Variants in SLC8A1 observed in about 807,000 individuals in gnomAD.
The protein encoded by SLC8A1 is sodium/calcium exchanger 1.
Under a neutral mutation model 68.3 loss-of-function variants are expected in SLC8A1, and 18 were observed. The observed-to-expected ratio is 0.26, with a 90% confidence interval of 0.18 to 0.39. The LOEUF is 0.39. Among genes scored for constraint, SLC8A1 ranks in the 10% least tolerant of loss-of-function variants. The pLI, the probability that SLC8A1 is intolerant of heterozygous loss-of-function variation, is 1.00. For missense variants in SLC8A1, 985 were observed against 1,156.7 expected (o/e 0.85, Z 2.15); for synonymous variants, 475 against 415.5 (o/e 1.14, Z -1.74).
chr2:40,216,096 T>C (rs11682470), intron 2 of SLC8A1, among the ~76,000 whole-genome samples: 1 of 151,220 alleles, frequency 6.6e-6, no homozygotes, highest in Non-Finnish European at 1.5e-5. Flanking sequence ...TACATAGGTA[T>C]ACGTGTGCCA....
chr2:40,454,920 G>A (rs555694487), upstream of SLC8A1, among the ~76,000 whole-genome samples: 7 of 152,340 alleles, frequency 4.6e-5, no homozygotes, highest in Admixed American at 4.6e-4. Flanking sequence ...TTGGAAAGAA[G>A]ACATGTTGAA....
intron 2 of SLC8A1, among the ~76,000 whole-genome samples, chr2:40,379,101 A>T (rs1016230362): frequency 2.6e-5 from 4 of 152,160 alleles, no homozygotes; most frequent in Non-Finnish European, 4.4e-5. Context: ...TGCCATTTTA[A>T]TAATTTTTTA....
At chr2:40,306,345 A>G (rs1179079198) in intron 2 of SLC8A1, among the ~76,000 whole-genome samples, 1 of 152,140 alleles carries the variant, frequency 6.6e-6, no homozygotes, top group East Asian at 1.9e-4. Flanking sequence ...TTATCTTAAT[A>G]TAGAGGCAGG....
At chr2:40,442,257 A>G (rs1413450413) in intron 1 of SLC8A1, among the ~76,000 whole-genome samples, 2 of 150,756 alleles carry the variant, frequency 1.3e-5, no homozygotes, top group Non-Finnish European at 3.0e-5. Flanking sequence ...ACTAAAAGTG[A>G]TAATTCAAAA....
intron 6 of SLC8A1, among the ~76,000 whole-genome samples, chr2:40,152,577 T>A (rs997017758): frequency 5.9e-5 from 9 of 151,814 alleles, no homozygotes; most frequent in Non-Finnish European, 1.2e-4. Context: ...GCTAATTTTT[T>A]TTTTTTTTTT....
chr2:40,413,476 C>A (rs1401079355), intron 2 of SLC8A1, among the ~76,000 whole-genome samples: 4 of 152,110 alleles, frequency 2.6e-5, no homozygotes, highest in Non-Finnish European at 5.9e-5. Flanking sequence ...AGCTGGAAAC[C>A]ATTGCTGATT....
At chr2:40,333,279 A>T (rs1184698394) in intron 2 of SLC8A1, among the ~76,000 whole-genome samples, 1 of 152,080 alleles carries the variant, frequency 6.6e-6, no homozygotes, top group Non-Finnish European at 1.5e-5. Context: ...TCTACTAAAA[A>T]TACGAAAAAT....
chr2:40,146,958 T>C lies in SLC8A1; in HGVS notation c.2162-7282A>G, dbSNP rs1160797707. Among the ~76,000 whole-genome samples the C allele has an allele frequency of 2.6e-5, 4 of 152,184 alleles. No homozygotes were observed. The East Asian group carries it at 5.8e-4, about 22-fold the overall frequency. ...AAGAAGGCAACTCACTCTCTGTTAA[T>C]AACTTTCAAACCTGGCTGAAATGAA... is the stretch of plus-strand genomic sequence containing the variant. On this transcript the variant is annotated intron_variant, in intron 6 of 7. Coordinates refer to ENST00000406785, the Ensembl canonical transcript of SLC8A1.
chr2:40,251,073 G>C (rs2062670863), intron 2 of SLC8A1: 1 of 152,088 alleles, frequency 6.6e-6, no homozygotes. Flanking sequence ...TAATTACTTT[G>C]AAGAATTTTT....
At chr2:40,456,079 G>A (rs1211217489), upstream of SLC8A1, among the ~76,000 whole-genome samples, 1 of 152,180 alleles carries the variant, frequency 6.6e-6, no homozygotes, top group Non-Finnish European at 1.5e-5. Flanking sequence ...CACTTTGGGA[G>A]GTTGAGGCGG....
exon 8 of SLC8A1, chr2:40,104,409 T>G (rs1040738023): frequency 5.9e-5 from 9 of 152,246 alleles, no homozygotes; most frequent in Non-Finnish European, 1.3e-4. Flanking sequence ...AGGTCTTGGC[T>G]CATGGTAATC....
intron 2 of SLC8A1, among the ~76,000 whole-genome samples, chr2:40,381,438 T>A (rs1193587992): frequency 6.6e-6 from 1 of 152,028 alleles, no homozygotes; most frequent in African/African-American, 2.4e-5. Context: ...TCTTCTCACA[T>A]CTCTCCATGA....
chr2:40,400,085 G>C (rs562337615), intron 2 of SLC8A1, among the ~76,000 whole-genome samples: 1 of 152,046 alleles, frequency 6.6e-6, no homozygotes. Flanking sequence ...TTGCTCAATC[G>C]ATCACGACCC....
At chr2:40,508,925 G>A (rs758529086) in intron 1 of SLC8A1, among the ~76,000 whole-genome samples, 2 of 151,994 alleles carry the variant, frequency 1.3e-5, no homozygotes, top group Admixed American at 1.3e-4. Flanking sequence ...ATTCCTCAGG[G>A]GTACAATGTG....
chr2:40,180,423 T>C (rs2049282456), intron 2 of SLC8A1, among the ~76,000 whole-genome samples: 1 of 152,242 alleles, frequency 6.6e-6, no homozygotes. Context: ...GCCAAATGTC[T>C]GTCCTCTTTG....
intron 2 of SLC8A1, among the ~76,000 whole-genome samples, chr2:40,418,268 TATTAC>T (rs1047388826): frequency 7.9e-5 from 12 of 152,348 alleles, no homozygotes; most frequent in African/African-American, 1.4e-4. Flanking sequence ...ATTTACTGTT[TATTAC>T]ATTACATTAT....
chr2:40,496,255 A>T (rs1268674045), intron 1 of SLC8A1, among the ~76,000 whole-genome samples: 1 of 152,158 alleles, frequency 6.6e-6, no homozygotes, highest in African/African-American at 2.4e-5. Flanking sequence ...CTGCCCGTGC[A>T]CACTGGAAAA....
intron 2 of SLC8A1, among the ~76,000 whole-genome samples, chr2:40,196,699 G>A (rs1032114302): frequency 1.3e-5 from 2 of 151,938 alleles, no homozygotes; most frequent in Non-Finnish European, 1.5e-5. Flanking sequence ...ATATCATTAA[G>A]GGCCTTAAAA....
chr2:40,200,193 T>A (rs1342453652), intron 2 of SLC8A1, among the ~76,000 whole-genome samples: 2 of 5,344 alleles, frequency 3.7e-4, no homozygotes, highest in Non-Finnish European at 1.2e-3. Flanking sequence ...TATATATATT[T>A]ATATATATAT....
Sources: gnomAD v4.1 joint callset for allele counts (sites outside exome capture counted in the v4.1 genomes callset) on GRCh38, gnomAD v4.1.1 for gene constraint, MANE v1.5 for transcripts, NCBI Gene and HGNC (gene_info 2026-07-23, HGNC 2026-07-21) for gene names.